Variants in C1QTNF7 observed in about 807,000 individuals in gnomAD.
C1QTNF7 encodes the protein C1q and TNF related 7.
C1QTNF7 carries 15 observed loss-of-function variants against 19.6 expected under a neutral mutation model. The observed-to-expected ratio is 0.76, with a 90% CI of 0.51 to 1.18. C1QTNF7 has a LOEUF of 1.18. Among genes scored for constraint, C1QTNF7 ranks in the 50% most tolerant of loss-of-function variants. The pLI, the probability that C1QTNF7 is intolerant of heterozygous loss-of-function variation, is 0.00. For missense variants in C1QTNF7, 324 were observed against 359.7 expected (o/e 0.90, Z 0.80); for synonymous variants, 142 against 137.5 (o/e 1.03, Z -0.23).
chr4:15,361,525 A>T (rs1717341470), intron 1 of C1QTNF7, among the ~76,000 whole-genome samples: 1 of 152,134 alleles, frequency 6.6e-6, no homozygotes, highest in Non-Finnish European at 1.5e-5. Flanking sequence ...ACTCTCTGCC[A>T]TTACCATATA....
chr4:15,434,097 G>T (rs527906769), intron 1 of C1QTNF7, among the ~76,000 whole-genome samples: 1 of 151,862 alleles, frequency 6.6e-6, no homozygotes, highest in African/African-American at 2.4e-5. Flanking sequence ...CAATAATTTT[G>T]GATTTGTGCT....
At chr4:15,411,196 T>C (rs1190884213) in intron 1 of C1QTNF7, among the ~76,000 whole-genome samples, 1 of 152,122 alleles carries the variant, frequency 6.6e-6, no homozygotes, top group Non-Finnish European at 1.5e-5. Flanking sequence ...ATCCTAAACA[T>C]ATACTAACTT....
At position 15,435,730 on chromosome 4, in the gene C1QTNF7, T is replaced by C. The variant is rs1712502178; in HGVS notation, c.-8-6T>C. On this transcript the variant is annotated splice_region_variant and splice_polypyrimidine_tract_variant and intron_variant, in intron 1 of 2. Transcript: ENST00000444304. ...GTTCATTTACGTCTGTGTGTTTCTC[T>C]TCCAGAGCCAAAGATGTTTGTCTTG... is the stretch of plus-strand genomic sequence containing the variant. 1 of 1,614,044 alleles carries C rather than the reference T, an allele frequency of 6.2e-7. No individual in the cohort carries two copies.
chr4:15,387,007 T>C (rs1248448226), intron 1 of C1QTNF7, among the ~76,000 whole-genome samples: 1 of 152,128 alleles, frequency 6.6e-6, no homozygotes, highest in Non-Finnish European at 1.5e-5. Context: ...AGATAGCGAC[T>C]GTTTCAATCA....
intron 1 of C1QTNF7, among the ~76,000 whole-genome samples, chr4:15,352,474 CT>C (rs1716974309): frequency 5.3e-5 from 8 of 152,158 alleles, no homozygotes; most frequent in Admixed American, 5.2e-4. Context: ...CCTCCAAAAC[CT>C]GTAAAATGAC....
At chr4:15,408,786 G>A (rs916114559) in intron 1 of C1QTNF7, among the ~76,000 whole-genome samples, 5 of 152,114 alleles carry the variant, frequency 3.3e-5, no homozygotes, top group African/African-American at 7.2e-5. Context: ...CTCATTGGTG[G>A]AGAGGATTAG....
chr4:15,346,357 A>G (rs1301944578), intron 1 of C1QTNF7, among the ~76,000 whole-genome samples: 1 of 152,202 alleles, frequency 6.6e-6, no homozygotes, highest in Non-Finnish European at 1.5e-5. Flanking sequence ...ATTAATTAAG[A>G]CGAATTATAG....
intron 1 of C1QTNF7, among the ~76,000 whole-genome samples, chr4:15,346,324 T>G (rs1716716823): frequency 6.6e-6 from 1 of 152,176 alleles, no homozygotes; most frequent in Non-Finnish European, 1.5e-5. Flanking sequence ...TGGTTCTAAT[T>G]AATGAATTAT....
chr4:15,376,964 A>G (rs756936459), intron 1 of C1QTNF7, among the ~76,000 whole-genome samples: 1 of 152,234 alleles, frequency 6.6e-6, no homozygotes, highest in Non-Finnish European at 1.5e-5. Context: ...CTGTGAATGA[A>G]TGGGTCAGGC....
At chr4:15,355,401 G>C (rs1560339402) in intron 1 of C1QTNF7, among the ~76,000 whole-genome samples, 1 of 152,064 alleles carries the variant, frequency 6.6e-6, no homozygotes, top group Non-Finnish European at 1.5e-5. Flanking sequence ...AACTAATATG[G>C]ATCATGTGTT....
chr4:15,415,645 T>G (rs1719579863), intron 1 of C1QTNF7, among the ~76,000 whole-genome samples: 1 of 146,456 alleles, frequency 6.8e-6, no homozygotes, highest in Non-Finnish European at 1.5e-5. Flanking sequence ...ATATTAGAGA[T>G]GGGTTCTCAC....
chr4:15,355,296 A>G (rs889645815), intron 1 of C1QTNF7, among the ~76,000 whole-genome samples: 8 of 152,176 alleles, frequency 5.3e-5, no homozygotes, highest in Non-Finnish European at 1.2e-4. Flanking sequence ...TGTGACTCAC[A>G]CGAAGAGAGC....
chr4:15,379,701 T>C (rs1328457928), intron 1 of C1QTNF7, among the ~76,000 whole-genome samples: 48 of 152,228 alleles, frequency 3.2e-4, no homozygotes, highest in Admixed American at 3.1e-3. Flanking sequence ...TTTTAAATGT[T>C]GACATGGTCT....
chr4:15,442,530 T>C lies in C1QTNF7; in HGVS notation c.601T>C (p.Leu201=), dbSNP rs146738721. 6.4e-4 allele frequency: 1,027 copies of C among 1,614,228 alleles called. 10 individuals carry two copies. The African/African-American group carries it at 0.012, about 19-fold the overall frequency. Residue 201 remains leucine, a synonymous_variant, in exon 3 of 3, where the codon TTG becomes CTG. Transcript: ENST00000444304. ...CTATTACTTTTCTTATGATATCACATTGGCTAATAAGCATCTGGCAATCGG... is the reference window on the plus strand; with the variant it reads ...CTATTACTTTTCTTATGATATCACACTGGCTAATAAGCATCTGGCAATCGG... The part of the protein sequence containing the change: ...GIYYFSYDIT[L]ANKHLAIGLV...
At chr4:15,369,433 C>T (rs535862748) in intron 1 of C1QTNF7, among the ~76,000 whole-genome samples, 2 of 151,806 alleles carry the variant, frequency 1.3e-5, no homozygotes, top group African/African-American at 2.4e-5. Flanking sequence ...TTCTAATGGC[C>T]CTTGTTAAAT....
At chr4:15,343,914 G>T (rs746942831) in intron 1 of C1QTNF7, among the ~76,000 whole-genome samples, 4 of 152,204 alleles carry the variant, frequency 2.6e-5, no homozygotes, top group Non-Finnish European at 5.9e-5. Flanking sequence ...TAAGTAACCT[G>T]CCTGCAGTCT....
chr4:15,340,342 T>C, intron 1 of C1QTNF7: 1 of 1,161,562 alleles, frequency 8.6e-7, no homozygotes, highest in Admixed American at 2.2e-5. Context: ...CAACAAATGA[T>C]AAATCAGAGG....
chr4:15,407,656 A>G (rs34971067), intron 1 of C1QTNF7, among the ~76,000 whole-genome samples: 40,126 of 152,198 alleles, frequency 0.26, 6,298 homozygotes, highest in Middle Eastern at 0.38. Flanking sequence ...GACAAAGAGC[A>G]TTAGTAAAAA....
intron 1 of C1QTNF7, among the ~76,000 whole-genome samples, chr4:15,399,462 T>C (rs1718906165): frequency 6.6e-6 from 1 of 152,194 alleles, no homozygotes; most frequent in Middle Eastern, 3.2e-3. Context: ...CCCATTTCAA[T>C]CGATGATCTG....
Sources: gnomAD v4.1 joint callset for allele counts (sites outside exome capture counted in the v4.1 genomes callset) on GRCh38, gnomAD v4.1.1 for gene constraint, MANE v1.5 for transcripts, NCBI Gene and HGNC (gene_info 2026-07-23, HGNC 2026-07-21) for gene names.